Variants in LMBR1 observed in about 807,000 individuals in gnomAD.
LMBR1 encodes limb development membrane protein 1.
LMBR1 carries 52 observed loss-of-function variants against 73.9 expected under a neutral mutation model. That is an observed-to-expected ratio of 0.70 (90% CI 0.56 to 0.89). The LOEUF (loss-of-function observed/expected upper bound fraction) is 0.89, where lower values mean the gene tolerates loss of function less well. Among genes scored for constraint, LMBR1 ranks in the 40% least tolerant of loss-of-function variants. The pLI is 0.00. For missense variants in LMBR1, 539 were observed against 579.8 expected (o/e 0.93, Z 0.72); for synonymous variants, 215 against 209.4 (o/e 1.03, Z -0.23).
intron 1 of LMBR1, among the ~76,000 whole-genome samples, chr7:156,888,512 G>A (rs1416575494): frequency 6.6e-6 from 1 of 151,928 alleles, no homozygotes; most frequent in Non-Finnish European, 1.5e-5. Context: ...GCATACCCAT[G>A]ATCACAGCAG....
At chr7:156,748,149 T>G (rs1278445964) in intron 9 of LMBR1, among the ~76,000 whole-genome samples, 1 of 152,184 alleles carries the variant, frequency 6.6e-6, no homozygotes, top group Non-Finnish European at 1.5e-5. Flanking sequence ...TTCTGACATA[T>G]CCACAAAAAT....
intron 5 of LMBR1, among the ~76,000 whole-genome samples, chr7:156,784,414 T>C (rs1289397417): frequency 6.6e-6 from 1 of 152,192 alleles, no homozygotes; most frequent in Non-Finnish European, 1.5e-5. Flanking sequence ...GTCTTGTATG[T>C]TGGTGGACCT....
At chr7:156,747,842 A>T (rs995542525) in intron 9 of LMBR1, 4 of 152,234 alleles carry the variant, frequency 2.6e-5, no homozygotes, top group African/African-American at 7.2e-5. Flanking sequence ...CACTTAGGCA[A>T]ACAACTTTGT....
At chr7:156,784,510 T>C (rs1264215128) in intron 5 of LMBR1, among the ~76,000 whole-genome samples, 1 of 152,204 alleles carries the variant, frequency 6.6e-6, no homozygotes, top group East Asian at 1.9e-4. Context: ...GCCTGCTGAC[T>C]GCAGCTCCCT....
chr7:156,702,673 C>T (rs1419385990), intron 15 of LMBR1, among the ~76,000 whole-genome samples: 1 of 152,142 alleles, frequency 6.6e-6, no homozygotes, highest in Non-Finnish European at 1.5e-5. Context: ...TTCTTTTTCA[C>T]ATCTCAGCAG....
chr7:156,864,948 G>C (rs1029786212), intron 1 of LMBR1, among the ~76,000 whole-genome samples: 1 of 149,248 alleles, frequency 6.7e-6, no homozygotes, highest in African/African-American at 2.5e-5. Flanking sequence ...GTGAGCCGAG[G>C]TCGCGCCATT....
intron 15 of LMBR1, among the ~76,000 whole-genome samples, chr7:156,697,992 G>A (rs756024961): frequency 6.6e-6 from 1 of 152,120 alleles, no homozygotes; most frequent in Admixed American, 6.5e-5. Flanking sequence ...CCCTCCATTC[G>A]TGGTCCGTGA....
At chr7:156,871,523 A>T (rs1033095114) in intron 1 of LMBR1, among the ~76,000 whole-genome samples, 2 of 152,240 alleles carry the variant, frequency 1.3e-5, no homozygotes, top group Admixed American at 1.3e-4. Flanking sequence ...TCCCTGAAGA[A>T]TACAGATACG....
chr7:156,857,329 A>C (rs1797110569), intron 1 of LMBR1, among the ~76,000 whole-genome samples: 1 of 152,214 alleles, frequency 6.6e-6, no homozygotes, highest in South Asian at 2.1e-4. Context: ...AGAGAACGGC[A>C]GCTATATTAA....
downstream of LMBR1, chr7:156,676,749 T>G (rs1804131730): frequency 5.7e-6 from 5 of 874,778 alleles, no homozygotes; most frequent in Admixed American, 7.8e-5. Flanking sequence ...TACTACAATG[T>G]AATCTGTTTC....
In LMBR1 at chr7:156,833,726, AGAACAACT is replaced by A; in HGVS notation, c.179+19_179+26del. 1 of 1,563,398 alleles carries A rather than the reference AGAACAACT, an allele frequency of 6.4e-7. No homozygotes were observed. On this transcript the variant is annotated intron_variant, in intron 3 of 16. Transcript: ENST00000353442. ...AATTGATGACTTCAGAATCAGAAAC[AGAACAACT>A]GAACTTTAAAATACATACGAAATCC...
Position 156,833,602 on chromosome 7 carries a change from C to T in LMBR1, c.179+151G>A, listed in dbSNP as rs1465228993. 6 of 507,844 alleles carry T rather than the reference C, an allele frequency of 1.2e-5. No individual in the cohort carries two copies. In the African/African-American group the frequency reaches 1.2e-4, roughly 10 times the overall value. The allele number at this position is 507,844 out of a possible 1,614,324, so 31.5% of individuals were successfully genotyped here. Reference sequence around the variant, plus strand: ...AGATTGGATTATCCACACATATTTGCTTACATGTGCTTTCTAAAATTAATA... The same window carrying T: ...AGATTGGATTATCCACACATATTTGTTTACATGTGCTTTCTAAAATTAATA... On this transcript the variant is annotated intron_variant, in intron 3 of 16. Coordinates refer to ENST00000353442, the MANE Select transcript of LMBR1 (RefSeq NM_022458.4).
intron 3 of LMBR1, among the ~76,000 whole-genome samples, chr7:156,833,002 T>C (rs1251278239): frequency 2.0e-5 from 3 of 152,238 alleles, no homozygotes; most frequent in Non-Finnish European, 4.4e-5. Context: ...CTGTCTATGC[T>C]AATTTCACTA....
chr7:156,734,122 T>A lies in LMBR1; in HGVS notation c.838+55A>T, dbSNP rs1315704387. 1.8e-6 allele frequency: 2 copies of A among 1,113,806 alleles called. 1 individual carries two copies. Among genetic ancestry groups the A allele is most frequent in the Admixed American group, 4.7e-5 (2 of 42,518 alleles). 69.0% of individuals were successfully genotyped at this position (1,113,806 alleles called of 1,614,324 possible). A position where few individuals can be genotyped will look rare whatever the true frequency, so the allele number is the denominator to read the frequency against. ...TCTAATATTTCAGACTACAGTAAAG[T>A]CTTTAATAAGAAACCAAGGCCAATA... On this transcript the variant is annotated intron_variant, in intron 10 of 16. Transcript: ENST00000353442.
At chr7:156,833,529 CCT>C (rs1171310731) in intron 3 of LMBR1, 9 of 499,350 alleles carry the variant, frequency 1.8e-5, no homozygotes, top group East Asian at 1.1e-4. Flanking sequence ...CATTTAATCC[CCT>C]GAGGATAAAA....
chr7:156,829,149 C>G (rs1490659848), intron 3 of LMBR1, among the ~76,000 whole-genome samples: 1 of 152,224 alleles, frequency 6.6e-6, no homozygotes, highest in Non-Finnish European at 1.5e-5. Flanking sequence ...GCTCTCGTGC[C>G]CCTTTATTCA....
At chr7:156,826,312 T>G (rs1373802747) in intron 4 of LMBR1, among the ~76,000 whole-genome samples, 4 of 152,204 alleles carry the variant, frequency 2.6e-5, no homozygotes, top group Non-Finnish European at 5.9e-5. Flanking sequence ...GGTTGAGTTC[T>G]TCTGACATAG....
chr7:156,794,896 T>A (rs902729203), intron 5 of LMBR1, among the ~76,000 whole-genome samples: 1 of 152,068 alleles, frequency 6.6e-6, no homozygotes, highest in African/African-American at 2.4e-5. Context: ...CTGCACAAAG[T>A]CTAAAATGCA....
intron 5 of LMBR1, among the ~76,000 whole-genome samples, chr7:156,765,641 C>A (rs1483615550): frequency 6.6e-6 from 1 of 152,124 alleles, no homozygotes; most frequent in African/African-American, 2.4e-5. Context: ...CTTTTTATTA[C>A]ACACTAAATA....
Sources: allele counts gnomAD v4.1 joint callset (sites outside exome capture counted in the v4.1 genomes callset), GRCh38; gene constraint gnomAD v4.1.1; transcripts MANE v1.5; gene names NCBI Gene and HGNC (gene_info 2026-07-23, HGNC 2026-07-21).